PRKAB2: variants seen among roughly 807,000 people sequenced by gnomAD.
PRKAB2 encodes the protein 5'-AMP-activated protein kinase subunit beta-2.
Under a neutral mutation model 29.8 loss-of-function variants are expected in PRKAB2, and 18 were observed. That is an observed-to-expected ratio of 0.60 (90% confidence interval 0.42 to 0.89). The LOEUF (loss-of-function observed/expected upper bound fraction) is 0.89, where lower values mean the gene tolerates loss of function less well. Among genes scored for constraint, PRKAB2 ranks in the 40% least tolerant of loss-of-function variants. The pLI is 0.00. For missense variants in PRKAB2, 270 were observed against 344.3 expected, an observed-to-expected ratio of 0.78 and a Z score of 1.71; for synonymous variants, 136 against 125.9, an observed-to-expected ratio of 1.08 and a Z score of -0.54.
At chr1:147,172,367 C>T (rs1654705862) in intron 1 of PRKAB2, 62 bp downstream of exon 1, 4 of 619,274 alleles carry the variant, frequency 6.5e-6, no homozygotes, top group South Asian at 2.3e-5. Flanking sequence ...TCAGGAAACC[C>T]GCTATCGGGA....
rs1434435099 is a variant in PRKAB2, at chr1:147,158,277, G to A, written c.*1288C>T. ...GAACAAAATGATTTTGTTAACATTT[G>A]GTGCAAAGAATGATACTTTTCATGG... is the stretch of plus-strand genomic sequence containing the variant. On this transcript the variant is annotated 3_prime_UTR_variant, in exon 8 of 8. Transcript: ENST00000254101. 2 of 152,122 alleles carry A rather than the reference G, an allele frequency of 1.3e-5. No homozygotes were observed. Among genetic ancestry groups the A allele is most frequent in the Non-Finnish European group, 2.9e-5 (2 of 68,016 alleles). 9.4% of individuals were successfully genotyped at this position (152,122 alleles called of 1,614,324 possible).
chr1:147,161,803 A>G (rs1210783699), intron 6 of PRKAB2, 23 bp from the exon 7 acceptor site: 2 of 1,564,788 alleles, frequency 1.3e-6, no homozygotes, highest in Non-Finnish European at 8.7e-7. Flanking sequence ...GAAAAAAATT[A>G]CTAAAAAAAT....
chr1:147,166,791 A>G (rs1553913756), intron 4 of PRKAB2, 55 bp downstream of exon 4: 1 of 1,575,894 alleles, frequency 6.3e-7, no homozygotes, highest in African/African-American at 1.3e-5. Flanking sequence ...GACAGAAATG[A>G]CAGCTAAAAT....
At chr1:147,169,167 A>G (rs1388030814) in intron 2 of PRKAB2, among the ~76,000 whole-genome samples, 1 of 152,110 alleles carries the variant, frequency 6.6e-6, no homozygotes, top group African/African-American at 2.4e-5. Context: ...ATATTACTAA[A>G]TTGAATAATG....
rs1653740898 is a variant in PRKAB2, at chr1:147,157,612, C to T, written c.*1953G>A. 1 of 152,134 alleles carries T rather than the reference C, an allele frequency of 6.6e-6. No homozygotes were observed. Among genetic ancestry groups the T allele is most frequent in the African/African-American group, 2.4e-5 (1 of 41,428 alleles). The allele number at this position is 152,134 out of a possible 1,614,324, so 9.4% of individuals were successfully genotyped here. A position where few individuals can be genotyped will look rare whatever the true frequency, so the allele number is the denominator to read the frequency against. ...TGTTGACAAGAAATATAACAAACTT[C>T]ATGTAATAACCAAGATTTTGAATCT... On this transcript the variant is annotated 3_prime_UTR_variant, in exon 8 of 8. Transcript: ENST00000254101.
intron 3 of PRKAB2, among the ~76,000 whole-genome samples, chr1:147,167,147 T>C (rs1167169623): frequency 6.6e-6 from 1 of 152,210 alleles, no homozygotes; most frequent in Non-Finnish European, 1.5e-5. Context: ...ACAACGTTAG[T>C]TCTTAACCAA....
At chr1:147,170,564 C>A (rs782537506) in intron 2 of PRKAB2, among the ~76,000 whole-genome samples, 1 of 152,060 alleles carries the variant, frequency 6.6e-6, no homozygotes, top group African/African-American at 2.4e-5. Flanking sequence ...TCTCACTTCT[C>A]TGTGATTATG....
In PRKAB2 at chr1:147,172,038, A is replaced by C; in HGVS notation, c.107T>G (p.Met36Arg). Residue 36 changes from methionine to arginine, a missense_variant, in exon 2 of 8, where the codon ATG (methionine) becomes AGG (arginine). Around this residue, in one of 2 missense-constraint regions of PRKAB2, gnomAD observed 228 missense variants for 255.5 expected, o/e 0.89. Coordinates refer to ENST00000254101, the MANE Select transcript of PRKAB2 (RefSeq NM_005399.5). ...GCTGGGGTCGTCCGTACTCCCCACC[A>C]TGATCTTGTGCTCCTTCCCCGGGGC... ...GHAPGKEHKI[M>R]VGSTDDPSVF... The C allele has an allele frequency of 6.3e-7, 1 of 1,593,462 alleles. No homozygotes were observed. The highest frequency in any genetic ancestry group is 8.5e-7 in the Non-Finnish European group (1 of 1,170,838).
chr1:147,169,151 G>A (rs764076542), intron 2 of PRKAB2, among the ~76,000 whole-genome samples: 17 of 152,020 alleles, frequency 1.1e-4, no homozygotes, highest in Non-Finnish European at 1.9e-4. Context: ...ATAGTATTAA[G>A]CCTAAATATT....
At chr1:147,167,482 C>T (rs1260116386) in intron 3 of PRKAB2, among the ~76,000 whole-genome samples, 3 of 152,192 alleles carry the variant, frequency 2.0e-5, no homozygotes, top group Non-Finnish European at 4.4e-5. Context: ...TTACAAAAGA[C>T]TTCCCACAAG....
chr1:147,159,662 A>G lies in PRKAB2; in HGVS notation c.742-20T>C, dbSNP rs1419779318. ...ACTGTCCTGCAAGGAAAAGAAACAT[A>G]CGCAGCTAATTCATTACTTCAGACA... On this transcript the variant is annotated intron_variant, in intron 7 of 7. Transcript: ENST00000254101. The G allele has an allele frequency of 3.5e-5, 56 of 1,608,236 alleles. No individual in the cohort carries two copies. The highest frequency in any genetic ancestry group is 4.8e-5 in the Non-Finnish European group (56 of 1,175,426).
At chr1:147,168,016 A>T in intron 2 of PRKAB2, 83 bp from the exon 3 acceptor site, 1 of 1,437,642 alleles carries the variant, frequency 7.0e-7, no homozygotes, top group Non-Finnish European at 9.4e-7. Flanking sequence ...AGGATAGAGA[A>T]GGGTGCTAGG....
chr1:147,159,358 AT>A lies in PRKAB2; in HGVS notation c.*206del, dbSNP rs1362533173. The A allele has an allele frequency of 4.0e-4, 201 of 508,334 alleles. No individual in the cohort carries two copies. Among genetic ancestry groups the A allele is most frequent in the South Asian group, 7.3e-4 (23 of 31,720 alleles). The allele number at this position is 508,334 out of a possible 1,614,324, so 31.5% of individuals were successfully genotyped here. On this transcript the variant is annotated 3_prime_UTR_variant, in exon 8 of 8. Transcript: ENST00000254101. ...CCATTTACCTTCTTCTCATATGTAT[AT>A]TTTTTTTTCTTAAAATAAATTCCGT...
intron 3 of PRKAB2, among the ~76,000 whole-genome samples, chr1:147,167,398 A>G (rs1277149987): frequency 6.6e-6 from 1 of 152,194 alleles, no homozygotes; most frequent in Non-Finnish European, 1.5e-5. Flanking sequence ...GGAAGCAACA[A>G]ATAACATGAC....
rs1192121917 is a variant in PRKAB2 at position 147,166,723 on chromosome 1, C to A, written c.418-105G>T. 9 of 1,557,710 alleles carry A rather than the reference C, an allele frequency of 5.8e-6. No individual in the cohort carries two copies. In the African/African-American group the frequency reaches 8.2e-5, roughly 14 times the overall value. On this transcript the variant is annotated intron_variant, in intron 4 of 7. Coordinates refer to ENST00000254101, the MANE Select transcript of PRKAB2 (RefSeq NM_005399.5). ...ATTTACACGATTGTTCTCAGCACCT[C>A]CACGTTTTATCAAGAGAGAAATCCT...
In PRKAB2 at chr1:147,172,014, C is replaced by A; in HGVS notation, c.131G>T (p.Ser44Ile). 1 of 1,600,448 alleles carries A rather than the reference C, an allele frequency of 6.2e-7. No homozygotes were observed. The highest frequency in any genetic ancestry group is 8.5e-7 in the Non-Finnish European group (1 of 1,174,362). ...KIMVGSTDDPSVFSLPDSKLP... is the reference protein window; with the variant it reads ...KIMVGSTDDPIVFSLPDSKLP... ...CTTGGAGTCAGGGAGGCTGAACACG[C>A]TGGGGTCGTCCGTACTCCCCACCAT... Residue 44 changes from serine to isoleucine, a missense_variant, in exon 2 of 8, where the codon AGC becomes ATC. Transcript: ENST00000254101.
rs2101613926 is a variant in PRKAB2, at chr1:147,159,340, C to T, written c.*225G>A. The T allele has an allele frequency of 2.1e-6, 1 of 487,366 alleles. No individual in the cohort carries two copies. Among genetic ancestry groups the T allele is most frequent in the African/African-American group, 1.9e-5 (1 of 51,690 alleles). The allele number at this position is 487,366 out of a possible 1,614,324, so 30.2% of individuals were successfully genotyped here. On this transcript the variant is annotated 3_prime_UTR_variant, in exon 8 of 8. Transcript: ENST00000254101. ...GCTGGGGCTAGGAGGCTTCCATTTACCTTCTTCTCATATGTATATTTTTTT... is the reference window on the plus strand; with the variant it reads ...GCTGGGGCTAGGAGGCTTCCATTTATCTTCTTCTCATATGTATATTTTTTT...
intron 2 of PRKAB2, among the ~76,000 whole-genome samples, chr1:147,168,976 CTA>C (rs1553914013): frequency 6.6e-6 from 1 of 152,164 alleles, no homozygotes. Context: ...CCTTGCTTAC[CTA>C]TATTGTCTAT....
In PRKAB2 at chr1:147,166,630, A is replaced by G; in HGVS notation, c.418-12T>C. 1 of 1,607,566 alleles carries G rather than the reference A, an allele frequency of 6.2e-7. No homozygotes were observed. The highest frequency in any genetic ancestry group is 1.1e-5 in the South Asian group (1 of 90,078). On this transcript the variant is annotated splice_polypyrimidine_tract_variant and intron_variant, in intron 4 of 7. Transcript: ENST00000254101. ...CTGGTAACCACAGGCTGAAACAGTGAATAGAAAAAATTATTGAATCTCTCT... is the reference window on the plus strand; with the variant it reads ...CTGGTAACCACAGGCTGAAACAGTGGATAGAAAAAATTATTGAATCTCTCT...
Sources: allele counts gnomAD v4.1 joint callset (sites outside exome capture counted in the v4.1 genomes callset), GRCh38; gene constraint gnomAD v4.1.1; regional missense constraint gnomAD v4.1.1; transcripts MANE v1.5; gene names NCBI Gene and HGNC (gene_info 2026-07-23, HGNC 2026-07-21).